FRMD5: variants seen among roughly 807,000 people sequenced by gnomAD.
The protein encoded by FRMD5 is FERM domain-containing protein 5.
FRMD5 carries 20 observed loss-of-function variants against 69.0 expected under a neutral mutation model. That is an observed-to-expected ratio of 0.29 (90% CI 0.20 to 0.42). The LOEUF (loss-of-function observed/expected upper bound fraction) is 0.42, where lower values mean the gene tolerates loss of function less well. Among genes scored for constraint, FRMD5 ranks in the 10% least tolerant of loss-of-function variants. FRMD5 has a pLI of 1.00. For synonymous variants in FRMD5, 271 were observed against 260.1 expected (o/e 1.04, Z -0.40); for missense variants, 595 against 708.6 (o/e 0.84, Z 1.82).
rs186502957 is a variant in FRMD5 at position 44,175,082 on chromosome 15, A to T, written c.102+19871T>A. Among the ~76,000 whole-genome samples the T allele has an allele frequency of 1.8e-3, 277 of 152,300 alleles. 1 individual carries two copies. The highest frequency in any genetic ancestry group is 5.1e-3 in the African/African-American group (210 of 41,580). On this transcript the variant is annotated intron_variant, in intron 1 of 13. Transcript: ENST00000417257. Reference sequence around the variant, plus strand: ...AACTTAAAGTAAAATAAAATTTTTTAAAAAATTCAGTTCAGTAGCTTTCAT... The same window carrying T: ...AACTTAAAGTAAAATAAAATTTTTTTAAAAATTCAGTTCAGTAGCTTTCAT...
At chr15:44,132,250 G>A (rs1035997207) in intron 1 of FRMD5, among the ~76,000 whole-genome samples, 8 of 152,212 alleles carry the variant, frequency 5.3e-5, no homozygotes, top group South Asian at 2.1e-4. Flanking sequence ...AGCATCACTT[G>A]CTCGTCCACC....
intron 1 of FRMD5, among the ~76,000 whole-genome samples, chr15:44,158,701 C>T (rs80080724): frequency 5.5e-4 from 83 of 152,268 alleles, no homozygotes; most frequent in African/African-American, 1.9e-3. Context: ...CCTACATTTA[C>T]GAAATTTCTT....
intron 1 of FRMD5, among the ~76,000 whole-genome samples, chr15:44,074,741 A>G (rs1004026977): frequency 5.9e-5 from 9 of 152,202 alleles, no homozygotes; most frequent in African/African-American, 2.2e-4. Flanking sequence ...AAAGGGGATG[A>G]GGTACCTTCT....
intron 1 of FRMD5, among the ~76,000 whole-genome samples, chr15:44,179,122 T>C (rs1214925142): frequency 1.3e-5 from 2 of 152,152 alleles, no homozygotes; most frequent in Admixed American, 6.6e-5. Context: ...AAAAAAGTCA[T>C]ATTAGCATAG....
chr15:44,054,861 G>A (rs1374443763), intron 1 of FRMD5, among the ~76,000 whole-genome samples: 1 of 151,988 alleles, frequency 6.6e-6, no homozygotes, highest in African/African-American at 2.4e-5. Context: ...CACGAGGTCA[G>A]GAGTTCAAAA....
chr15:44,012,860 C>T (rs779016777), intron 1 of FRMD5, among the ~76,000 whole-genome samples: 6 of 151,396 alleles, frequency 4.0e-5, no homozygotes, highest in Non-Finnish European at 7.4e-5. Flanking sequence ...TCTGCTTCCC[C>T]GGTTCAAGGG....
intron 1 of FRMD5, among the ~76,000 whole-genome samples, chr15:44,113,550 C>T (rs1038454964): frequency 6.6e-6 from 1 of 152,164 alleles, no homozygotes; most frequent in Admixed American, 6.5e-5. Flanking sequence ...CTTTGTGTTA[C>T]AAACAATCTA....
intron 1 of FRMD5, among the ~76,000 whole-genome samples, chr15:44,085,337 TAGG>T (rs1894153866): frequency 6.6e-6 from 1 of 152,124 alleles, no homozygotes; most frequent in Non-Finnish European, 1.5e-5. Flanking sequence ...TTTCTGTCAA[TAGG>T]GTAGACCAGA....
At chr15:43,938,485 G>A (rs1320760669) in intron 1 of FRMD5, among the ~76,000 whole-genome samples, 1 of 152,164 alleles carries the variant, frequency 6.6e-6, no homozygotes, top group Non-Finnish European at 1.5e-5. Context: ...TCATATAGCT[G>A]CTGCAGAAGC....
At chr15:43,979,942 A>G (rs954327675) in intron 1 of FRMD5, among the ~76,000 whole-genome samples, 1 of 152,218 alleles carries the variant, frequency 6.6e-6, no homozygotes, top group East Asian at 1.9e-4. Context: ...ACCAACTCTA[A>G]TTGGAGAACA....
intron 1 of FRMD5, among the ~76,000 whole-genome samples, chr15:44,122,026 CT>C (rs1251729930): frequency 1.4e-5 from 2 of 145,670 alleles, no homozygotes; most frequent in Non-Finnish European, 3.0e-5. Flanking sequence ...AAATAGTATA[CT>C]TTTCACTGTA....
intron 1 of FRMD5, among the ~76,000 whole-genome samples, chr15:44,168,983 C>T (rs1031245997): frequency 6.6e-6 from 1 of 152,182 alleles, no homozygotes; most frequent in Non-Finnish European, 1.5e-5. Flanking sequence ...TCCTCCCCAT[C>T]GCTTATTACT....
At chr15:44,095,364 G>C (rs1263083035) in intron 1 of FRMD5, among the ~76,000 whole-genome samples, 1 of 151,884 alleles carries the variant, frequency 6.6e-6, no homozygotes, top group Non-Finnish European at 1.5e-5. Context: ...CACGACACTT[G>C]GCTAATTTTT....
chr15:44,160,325 A>G (rs1194846545), intron 1 of FRMD5, among the ~76,000 whole-genome samples: 1 of 152,250 alleles, frequency 6.6e-6, no homozygotes, highest in Non-Finnish European at 1.5e-5. Context: ...CACTGCACCC[A>G]GCCTGGGCAA....
chr15:43,951,572 T>C (rs2090029648), intron 1 of FRMD5, among the ~76,000 whole-genome samples: 6 of 152,186 alleles, frequency 3.9e-5, no homozygotes. Flanking sequence ...AAACAGATTA[T>C]GCTCTGGATA....
rs1171660885 is a variant in FRMD5 at position 43,874,370 on chromosome 15, T to C, written c.1228A>G (p.Thr410Ala). The C allele has an allele frequency of 6.2e-7, 1 of 1,614,042 alleles. No individual in the cohort carries two copies. The highest frequency in any genetic ancestry group is 1.3e-5 in the African/African-American group (1 of 74,926). The stretch of plus-strand genomic sequence containing the variant: ...ACAGCTACTCGCTCATTGCTATCTG[T>C]CCGGCTGCTTCTCACGTGAGGCAGG... ...TFLPHVRSSR[T>A]DSNERVAVIA... Residue 410 changes from threonine to alanine, a missense_variant, in exon 14 of 14, where the codon ACA becomes GCA. Around this residue, in one of 5 missense-constraint regions of FRMD5, gnomAD observed 245 missense variants for 227.1 expected, o/e 1.08. Coordinates refer to ENST00000417257, the MANE Select transcript of FRMD5 (RefSeq NM_032892.5).
intron 1 of FRMD5, among the ~76,000 whole-genome samples, chr15:44,135,697 C>T (rs997951668): frequency 6.6e-6 from 1 of 151,706 alleles, no homozygotes; most frequent in Non-Finnish European, 1.5e-5. Context: ...TGGTGGTGCA[C>T]ACCTGTAGTC....
At chr15:44,053,847 C>G (rs1470161611) in intron 1 of FRMD5, among the ~76,000 whole-genome samples, 1 of 152,130 alleles carries the variant, frequency 6.6e-6, no homozygotes, top group East Asian at 1.9e-4. Context: ...TAGATGGTAA[C>G]TGAAGCTGTA....
chr15:43,989,262 G>A, intron 1 of FRMD5: 3 of 791,048 alleles, frequency 3.8e-6, no homozygotes, highest in Middle Eastern at 2.5e-4. Flanking sequence ...TATCGGCGAT[G>A]CCAGGGTACC....
Sources: allele counts gnomAD v4.1 joint callset (sites outside exome capture counted in the v4.1 genomes callset), GRCh38; gene constraint gnomAD v4.1.1; regional missense constraint gnomAD v4.1.1; transcripts MANE v1.5; gene names NCBI Gene and HGNC (gene_info 2026-07-23, HGNC 2026-07-21).